The following BICRAL variants were observed in gnomAD, a reference collection of about 807,000 sequenced individuals.
BICRAL encodes the protein BRD4-interacting chromatin-remodeling complex-associated protein-like.
Under a neutral mutation model 91.8 loss-of-function variants are expected in BICRAL, and 8 were observed. That is an observed-to-expected ratio of 0.09 (90% CI 0.05 to 0.16). The LOEUF is 0.16. Among genes scored for constraint, BICRAL ranks in the 10% least tolerant of loss-of-function variants. The pLI is 1.00. For missense variants in BICRAL, 1,038 were observed against 1,310.9 expected, an observed-to-expected ratio of 0.79 and a Z score of 3.21; for synonymous variants, 445 against 491.1, an observed-to-expected ratio of 0.91 and a Z score of 1.24.
chr6:42,856,174 A>G (rs1581636014), intron 9 of BICRAL, among the ~76,000 whole-genome samples: 1 of 151,600 alleles, frequency 6.6e-6, no homozygotes, highest in East Asian at 1.9e-4. Context: ...AAAATTAGCC[A>G]GGCGTGGTGG....
rs766180328 is a variant in BICRAL, at chr6:42,829,496, A to C, written c.1163A>C (p.His388Pro). 39 of 1,613,956 alleles carry C rather than the reference A, an allele frequency of 2.4e-5. No homozygotes were observed. Among genetic ancestry groups the C allele is most frequent in the Admixed American group, 5.0e-5 (3 of 60,006 alleles). The change falls in exon 6 of 13, where the codon CAT becomes CCT. Residue 388 changes from histidine to proline, a missense_variant. Transcript: ENST00000314073. ...VSSTGGSIVI[H>P]SPMGQPHAPQ... ...AGCACTGGGGGCAGTATTGTTATTC[A>C]TTCCCCCATGGGCCAACCTCACGCA...
intron 6 of BICRAL, among the ~76,000 whole-genome samples, chr6:42,844,496 A>G (rs1764924433): frequency 7.3e-6 from 1 of 137,850 alleles, no homozygotes; most frequent in Non-Finnish European, 1.6e-5. Context: ...GCTACAGAGC[A>G]AGACTCCATC....
rs183847012 is a variant in BICRAL, at chr6:42,811,806, C to A, written c.-6+1405C>A. Among the ~76,000 whole-genome samples the A allele has an allele frequency of 2.1e-4, 32 of 152,208 alleles. 1 individual carries two copies. The Middle Eastern group carries it at 0.037, about 178-fold the overall frequency. On this transcript the variant is annotated intron_variant, in intron 2 of 12. Transcript: ENST00000314073. ...AACACTACTTGGAGCTCACATAGGG[C>A]AGAGAATAGTTTGTGTTCCCATCTG... is the stretch of plus-strand genomic sequence containing the variant.
intron 1 of BICRAL, among the ~76,000 whole-genome samples, chr6:42,784,536 A>G (rs1317513057): frequency 6.6e-6 from 1 of 152,244 alleles, no homozygotes; most frequent in African/African-American, 2.4e-5. Flanking sequence ...TATGCCAGGA[A>G]CTGTGCCTGA....
chr6:42,806,810 C>T (rs945460304), intron 1 of BICRAL, among the ~76,000 whole-genome samples: 2 of 151,688 alleles, frequency 1.3e-5, no homozygotes, highest in Non-Finnish European at 2.9e-5. Context: ...CCACTGTGCT[C>T]AGCTGGTATT....
intron 1 of BICRAL, among the ~76,000 whole-genome samples, chr6:42,806,783 A>T: frequency 6.7e-6 from 1 of 150,106 alleles, no homozygotes; most frequent in East Asian, 2.0e-4. Flanking sequence ...CCAAAGTGCT[A>T]GGATTACAAG....
chr6:42,805,231 A>G (rs1457953580), intron 1 of BICRAL, among the ~76,000 whole-genome samples: 1 of 152,204 alleles, frequency 6.6e-6, no homozygotes, highest in Non-Finnish European at 1.5e-5. Context: ...GAGCATTTCA[A>G]GTAAGGAAAT....
intron 2 of BICRAL, among the ~76,000 whole-genome samples, chr6:42,817,821 A>G (rs1005065467): frequency 1.3e-5 from 2 of 151,990 alleles, no homozygotes; most frequent in African/African-American, 4.8e-5. Context: ...TCTTATACAC[A>G]TATCATTTGG....
intron 2 of BICRAL, among the ~76,000 whole-genome samples, chr6:42,814,519 A>ATATTTT (rs1237976324): frequency 2.5e-5 from 2 of 80,236 alleles, no homozygotes; most frequent in Non-Finnish European, 4.2e-5. Context: ...ATATATATAT[A>ATATTTT]TTTTTTTTTT....
chr6:42,763,505 C>T (rs765927524), intron 1 of BICRAL, among the ~76,000 whole-genome samples: 7 of 152,110 alleles, frequency 4.6e-5, no homozygotes, highest in Admixed American at 6.5e-5. Flanking sequence ...TATGATGTGC[C>T]GCTTTTCTTG....
intron 6 of BICRAL, among the ~76,000 whole-genome samples, chr6:42,837,485 C>T (rs1421131480): frequency 6.6e-6 from 1 of 151,710 alleles, no homozygotes; most frequent in Non-Finnish European, 1.5e-5. Context: ...GGCATGTTGA[C>T]TCACGCCTGT....
rs1562482293 is a variant in BICRAL at position 42,828,966 on chromosome 6, T to A, written c.633T>A (p.Gly211=). The change falls in exon 6 of 13, where the codon GGT becomes GGA. Residue 211 remains glycine (G), a synonymous_variant. Transcript: ENST00000314073. The part of the protein sequence containing the change: ...LSNSSQISGS[G]QIQLIGSFGN... ...ATAGCAGTCAGATTAGTGGTTCTGG[T>A]CAAATACAGTTAATTGGGTCATTTG... is the stretch of plus-strand genomic sequence containing the variant. 3.7e-6 allele frequency: 6 copies of A among 1,614,112 alleles called. No homozygotes were observed. Among genetic ancestry groups the A allele is most frequent in the Non-Finnish European group, 5.1e-6 (6 of 1,179,990 alleles).
intron 6 of BICRAL, among the ~76,000 whole-genome samples, chr6:42,831,462 A>C (rs906378846): frequency 6.6e-6 from 1 of 152,206 alleles, no homozygotes; most frequent in Admixed American, 6.5e-5. Context: ...TACTGTGGGC[A>C]CTTGGTAAAC....
chr6:42,768,825 C>G (rs954134608), intron 1 of BICRAL, among the ~76,000 whole-genome samples: 1 of 152,138 alleles, frequency 6.6e-6, no homozygotes, highest in Non-Finnish European at 1.5e-5. Context: ...CACAGCTGAC[C>G]CAGTCTCTGT....
Position 42,803,151 on chromosome 6 carries a change from T to C in BICRAL, c.-101-7155T>C, listed in dbSNP as rs534861470. On this transcript the variant is annotated intron_variant, in intron 1 of 12. Coordinates refer to ENST00000314073, the MANE Select transcript of BICRAL (RefSeq NM_001393499.1). ...CACAACTATTATTAATATAATAAAT[T>C]ACTGTGCTAAATGTTTGGAGACTTC... Among the ~76,000 whole-genome samples the C allele has an allele frequency of 2.0e-5, 3 of 152,330 alleles. No individual in the cohort carries two copies. In the East Asian group the frequency reaches 5.8e-4, roughly 29 times the overall value.
intron 2 of BICRAL, among the ~76,000 whole-genome samples, chr6:42,812,054 T>A (rs944712780): frequency 2.0e-5 from 3 of 152,222 alleles, no homozygotes; most frequent in Admixed American, 6.5e-5. Context: ...AAATTAACAA[T>A]GTCTGACATC....
Position 42,770,419 on chromosome 6 carries a change from T to A in BICRAL, c.-260-11420T>A, listed in dbSNP as rs1315770653. 1.7e-3 allele frequency among the ~76,000 whole-genome samples: 245 copies of A among 146,120 alleles called. 2 individuals are homozygous for A. In the Middle Eastern group the frequency reaches 0.021, roughly 12 times the overall value. ...AATTTTATTATTATTATTATTTTTT[T>A]TTTTTTTTTTTTGAGACGGAGCCTT... On this transcript the variant is annotated intron_variant, in intron 1 of 14. Transcript: ENST00000614467.
intron 1 of BICRAL, among the ~76,000 whole-genome samples, chr6:42,753,344 A>G (rs962626252): frequency 3.3e-5 from 5 of 152,014 alleles, no homozygotes; most frequent in Admixed American, 6.6e-5. Context: ...GATTACAGGC[A>G]TGAGCTACTA....
At chr6:42,752,173 G>A (rs1226459692) in intron 1 of BICRAL, among the ~76,000 whole-genome samples, 1 of 152,186 alleles carries the variant, frequency 6.6e-6, no homozygotes, top group African/African-American at 2.4e-5. Context: ...TGGGAAGCAG[G>A]ACAGGAGCAG....
Sources: gnomAD v4.1 joint callset for allele counts (sites outside exome capture counted in the v4.1 genomes callset) on GRCh38, gnomAD v4.1.1 for gene constraint, MANE v1.5 for transcripts, NCBI Gene and HGNC (gene_info 2026-07-23, HGNC 2026-07-21) for gene names.